The following LTBP3 variants were observed in gnomAD, a reference collection of about 807,000 sequenced individuals.
LTBP3 encodes latent-transforming growth factor beta-binding protein 3.
A neutral mutation model predicts 159.7 loss-of-function variants in LTBP3; 97 were observed. The observed-to-expected ratio is 0.61, with a 90% CI of 0.52 to 0.72. The LOEUF is 0.72. Among genes scored for constraint, LTBP3 ranks in the 30% least tolerant of loss-of-function variants. LTBP3 has a pLI of 0.00. For missense variants in LTBP3, 1,584 were observed against 1,864.3 expected (o/e 0.85, Z 2.77); for synonymous variants, 824 against 777.1 (o/e 1.06, Z -1.00).
chr11:65,540,411 G>C (rs999117304), intron 22 of LTBP3, 29 bp from the exon 23 acceptor site: 2 of 1,606,764 alleles, frequency 1.2e-6, no homozygotes, highest in African/African-American at 2.7e-5. Context: ...TGGGTAGCAG[G>C]GGCAGGCCCG....
rs1045730661 is a variant in LTBP3 at position 65,540,249 on chromosome 11, C to T, written c.3240G>A (p.Glu1080=). 1.4e-5 allele frequency: 22 copies of T among 1,550,270 alleles called. No homozygotes were observed. Among genetic ancestry groups the T allele is most frequent in the Admixed American group, 5.9e-5 (3 of 51,006 alleles). ...ACTCCCCGGCCCGGGCCTCACCCATCTCTTCCGGGCTCAGGCACTGGCGCT... is the reference window on the plus strand; with the variant it reads ...ACTCCCCGGCCCGGGCCTCACCCATTTCTTCCGGGCTCAGGCACTGGCGCT... ...PAQRQCLSPE[E]MDVDECQDPA... Residue 1080 remains glutamate (E), a synonymous_variant, in exon 23 of 28, where the codon GAG becomes GAA. Coordinates refer to ENST00000301873, the MANE Select transcript of LTBP3 (RefSeq NM_001130144.3).
intron 22 of LTBP3, 35 bp downstream of exon 22, chr11:65,540,451 C>T (rs991546918): frequency 6.2e-7 from 1 of 1,611,788 alleles, no homozygotes; most frequent in East Asian, 2.2e-5. Flanking sequence ...TGTCTCCCTG[C>T]CGCTTCCCCA....
Position 65,540,143 on chromosome 11 carries a change from C to T in LTBP3, c.3255G>A (p.Glu1085=), listed in dbSNP as rs1284721189. The change falls in exon 24 of 28, where the codon GAG becomes GAA. Residue 1085 remains glutamate (E), a synonymous_variant. Coordinates refer to ENST00000301873, the MANE Select transcript of LTBP3 (RefSeq NM_001130144.3). ...GGCGGCAGGCTGCCGGGTCCTGGCA[C>T]TCGTCCACGTCTACGAACAGCGAGG... The part of the protein sequence containing the change: ...CLSPEEMDVD[E]CQDPAACRPG... The T allele has an allele frequency of 2.0e-6, 3 of 1,529,450 alleles. No individual in the cohort carries two copies. The South Asian group carries it at 3.6e-5, about 18-fold the overall frequency. 94.7% of individuals were successfully genotyped at this position (1,529,450 alleles called of 1,614,324 possible). A position where few individuals can be genotyped will look rare whatever the true frequency, so the allele number is the denominator to read the frequency against.
chr11:65,542,923 T>TGAA, intron 18 of LTBP3, 182 bp downstream of exon 18: 5 of 838,008 alleles, frequency 6.0e-6, no homozygotes, highest in Non-Finnish European at 9.6e-6. Flanking sequence ...GAAGGATGGA[T>TGAA]GGATAGAAGG....
In LTBP3 at chr11:65,546,945, G is replaced by C. The variant is rs2135140243; in HGVS notation, c.2108-25C>G. On this transcript the variant is annotated intron_variant, in intron 14 of 27. Transcript: ENST00000301873. This position sits in a 1 kb window ranked among gnomAD's most constrained non-coding sequence, Gnocchi z 4.0. ...TCTGCACGGGAGGGAGAAGGAAGAG[G>C]ACCCATCTGGGGACAACGCGGGTGG... 1.2e-6 allele frequency: 2 copies of C among 1,608,826 alleles called. No homozygotes were observed. The highest frequency in any genetic ancestry group is 1.7e-5 in the Admixed American group (1 of 60,028).
chr11:65,551,178 C>T lies in LTBP3; in HGVS notation c.1668G>A (p.Pro556=), dbSNP rs1029967686. 24 of 1,552,680 alleles carry T rather than the reference C, an allele frequency of 1.5e-5. No homozygotes were observed. The highest frequency in any genetic ancestry group is 2.0e-5 in the Non-Finnish European group (23 of 1,148,572). The stretch of plus-strand genomic sequence containing the variant: ...CGGCGCTGCGGGAAGGAGGCAAGTC[C>T]GGCAGGAACCAGCGCATGGTCGGGG... ...PSPPTMRWFL[P]DLPPSRSAVE... Residue 556 remains proline, a synonymous_variant, in exon 11 of 28, where the codon CCG becomes CCA. Coordinates refer to ENST00000301873, the MANE Select transcript of LTBP3 (RefSeq NM_001130144.3).
intron 17 of LTBP3, 31 bp downstream of exon 17, chr11:65,543,396 A>G: frequency 5.0e-6 from 8 of 1,613,494 alleles, no homozygotes; most frequent in Non-Finnish European, 6.8e-6. Flanking sequence ...AGGGAGGGAC[A>G]GGTCAGCACC....
intron 1 of LTBP3, 109 bp downstream of exon 1, chr11:65,557,520 G>T: frequency 6.7e-7 from 1 of 1,492,350 alleles, no homozygotes; most frequent in Non-Finnish European, 9.1e-7. Flanking sequence ...TCGGATCTCT[G>T]CCCTTTATAC....
intron 27 of LTBP3, 41 bp downstream of exon 27, chr11:65,539,287 A>ACCGGCCCCGCCCCTGCCC: frequency 6.6e-7 from 1 of 1,512,904 alleles, no homozygotes; most frequent in African/African-American, 1.4e-5. Flanking sequence ...GCTCCTCACC[A>ACCGGCCCCGCCCCTGCCC]CCGGCCCCGC....
At position 65,547,470 on chromosome 11, in the gene LTBP3, C is replaced by G. The variant is rs1201147520; in HGVS notation, c.2076G>C (p.Arg692=). 1.2e-6 allele frequency: 2 copies of G among 1,614,034 alleles called. No homozygotes were observed. The highest frequency in any genetic ancestry group is 2.2e-5 in the South Asian group (2 of 91,080). ...HYKCNCYPGY[R]LKASRPPVCE... is the part of the protein sequence containing the mutation. Reference sequence around the variant, plus strand: ...ACACAGGAGGCCGGGAGGCTTTGAGCCGGTAGCCGGGGTAGCAGTTGCACT... The same window carrying G: ...ACACAGGAGGCCGGGAGGCTTTGAGGCGGTAGCCGGGGTAGCAGTTGCACT... Residue 692 remains arginine, a synonymous_variant, in exon 14 of 28, where the codon CGG becomes CGC. Transcript: ENST00000301873. The surrounding 1 kb of genome is among the most constrained non-coding windows in gnomAD (Gnocchi z 4.6).
chr11:65,543,827 C>T, intron 16 of LTBP3: 1 of 500,486 alleles, frequency 2.0e-6, no homozygotes, highest in Non-Finnish European at 3.7e-6. Context: ...CCACCCTTCC[C>T]TCACCTGCCA....
chr11:65,546,615 G>T lies in LTBP3; in HGVS notation c.2231-51C>A, dbSNP rs1211672107. 1.9e-6 allele frequency: 3 copies of T among 1,596,232 alleles called. No individual in the cohort carries two copies. The highest frequency in any genetic ancestry group is 2.5e-6 in the Non-Finnish European group (3 of 1,178,828). On this transcript the variant is annotated intron_variant, in intron 15 of 27. Transcript: ENST00000301873. The surrounding 1 kb of genome is among the most constrained non-coding windows in gnomAD (Gnocchi z 4.0). ...ACTCTGCCCCACCGGAAGGCGGACC[G>T]CGCACCTCGCGGGGGTGTGGGTCTC...
chr11:65,541,196 C>T lies in LTBP3; in HGVS notation c.2823G>A (p.Glu941=). The T allele has an allele frequency of 6.2e-7, 1 of 1,613,778 alleles. No homozygotes were observed. The highest frequency in any genetic ancestry group is 8.5e-7 in the Non-Finnish European group (1 of 1,179,966). The change falls in exon 20 of 28, where the codon GAG becomes GAA. Residue 941 remains glutamate (E), a synonymous_variant. Coordinates refer to ENST00000301873, the MANE Select transcript of LTBP3 (RefSeq NM_001130144.3). Reference sequence around the variant, plus strand: ...AGCCGGCCCCCAGAGAGCAGCAGCACTCCTGCTGGGTCACGTTGGTGGCCA... The same window carrying T: ...AGCCGGCCCCCAGAGAGCAGCAGCATTCCTGCTGGGTCACGTTGGTGGCCA... ...SVLATNVTQQ[E]CCCSLGAGWG... is the part of the protein sequence containing the mutation.
Position 65,553,074 on chromosome 11 carries a change from C to T in LTBP3, c.1063+90G>A, listed in dbSNP as rs1856670518. On this transcript the variant is annotated intron_variant, in intron 5 of 27. Coordinates refer to ENST00000301873, the MANE Select transcript of LTBP3 (RefSeq NM_001130144.3). This position sits in a 1 kb window ranked among gnomAD's most constrained non-coding sequence, Gnocchi z 6.5. ...ACCTCAGGGTCTTGCCCCAGCCCCA[C>T]CTCCTCTCTCGCCCACCTTGGGACC... 6.2e-7 allele frequency: 1 copy of T among 1,606,948 alleles called. No individual in the cohort carries two copies. Among genetic ancestry groups the T allele is most frequent in the Non-Finnish European group, 8.5e-7 (1 of 1,174,022 alleles).
At chr11:65,540,221 C>A in intron 23 of LTBP3, 24 bp downstream of exon 23, 9 of 1,547,698 alleles carry the variant, frequency 5.8e-6, no homozygotes, top group South Asian at 1.2e-5. Flanking sequence ...TCCCGCGTAC[C>A]CCACTCCCCG....
chr11:65,555,433 T>A (rs1856774629), intron 1 of LTBP3, among the ~76,000 whole-genome samples: 1 of 152,064 alleles, frequency 6.6e-6, no homozygotes, highest in South Asian at 2.1e-4. Context: ...TCTCTATATA[T>A]GCAGATCTCA....
In LTBP3 at chr11:65,541,690, G is replaced by A. The variant is rs773020116; in HGVS notation, c.2635C>T (p.Pro879Ser). 2.5e-6 allele frequency: 4 copies of A among 1,614,156 alleles called. No homozygotes were observed. Among genetic ancestry groups the A allele is most frequent in the East Asian group, 4.5e-5 (2 of 44,882 alleles). ...TGAAGGTTCTTGCAGGCCCCATGGG[G>A]AAGGCACAGGCTCGGGTCCTGGCTG... The part of the protein sequence containing the change: ...ECSQDPSLCL[P>S]HGACKNLQGS... The change falls in exon 19 of 28, where the codon CCC becomes TCC. Residue 879 changes from proline to serine, a missense_variant. Around this residue, in one of 6 missense-constraint regions of LTBP3, gnomAD observed 565 missense variants for 677.7 expected, o/e 0.83. Coordinates refer to ENST00000301873, the MANE Select transcript of LTBP3 (RefSeq NM_001130144.3).
In LTBP3 at chr11:65,554,006, G is replaced by A. The variant is rs1260080864; in HGVS notation, c.661+45C>T. The A allele has an allele frequency of 1.2e-5, 19 of 1,592,270 alleles. No homozygotes were observed. Among genetic ancestry groups the A allele is most frequent in the Non-Finnish European group, 1.5e-5 (18 of 1,174,106 alleles). On this transcript the variant is annotated intron_variant, in intron 2 of 27. Transcript: ENST00000301873. This position sits in a 1 kb window ranked among gnomAD's most constrained non-coding sequence, Gnocchi z 5.3. ...CCTGCCCTGCCCTGGCCACCCTAGT[G>A]CCCACCCACTGGCGACCTTCCCGGG...
Position 65,538,888 on chromosome 11 carries a change from G to A in LTBP3, c.*192C>T, listed in dbSNP as rs1855892763. On this transcript the variant is annotated 3_prime_UTR_variant, in exon 28 of 28. Coordinates refer to ENST00000301873, the MANE Select transcript of LTBP3 (RefSeq NM_001130144.3). ...GGGAGGAAGGCAGGCAGCGCCCGCCGGAGACCTTACAACCGCCCGCTAACC... is the reference window on the plus strand; with the variant it reads ...GGGAGGAAGGCAGGCAGCGCCCGCCAGAGACCTTACAACCGCCCGCTAACC... The A allele has an allele frequency of 1.6e-5, 18 of 1,115,640 alleles. No individual in the cohort carries two copies. In the South Asian group the frequency reaches 2.8e-4, roughly 17 times the overall value. The allele number at this position is 1,115,640 out of a possible 1,614,324, so 69.1% of individuals were successfully genotyped here.
Sources: allele counts gnomAD v4.1 joint callset (sites outside exome capture counted in the v4.1 genomes callset), GRCh38; gene constraint gnomAD v4.1.1; regional missense constraint gnomAD v4.1.1; non-coding constraint Gnocchi (gnomAD v3.1); transcripts MANE v1.5; gene names NCBI Gene and HGNC (gene_info 2026-07-23, HGNC 2026-07-21).